CNTN3: variants seen among roughly 807,000 people sequenced by gnomAD.
CNTN3 encodes contactin-3.
A neutral mutation model predicts 119.1 loss-of-function variants in CNTN3; 60 were observed. The ratio of observed to expected loss-of-function variants is 0.50; its 90% CI spans 0.41 to 0.62. The LOEUF is 0.62. Among genes scored for constraint, CNTN3 ranks in the 20% least tolerant of loss-of-function variants. The pLI, the probability that CNTN3 is intolerant of heterozygous loss-of-function variation, is 0.00. For synonymous variants in CNTN3, 450 were observed against 438.7 expected (o/e 1.03, Z -0.32); for missense variants, 1,101 against 1,242.4 (o/e 0.89, Z 1.71).
intron 20 of CNTN3, among the ~76,000 whole-genome samples, chr3:74,273,812 C>T (rs574548305): frequency 3.9e-5 from 6 of 152,134 alleles, no homozygotes; most frequent in Non-Finnish European, 7.3e-5. Flanking sequence ...GCTTCCTGGC[C>T]AGAACCTGGG....
chr3:74,372,749 T>A (rs1704373413), intron 5 of CNTN3, among the ~76,000 whole-genome samples: 1 of 151,952 alleles, frequency 6.6e-6, no homozygotes, highest in Non-Finnish European at 1.5e-5. Flanking sequence ...AGGAGAAGGG[T>A]TAGATGAGAG....
chr3:74,284,676 C>T (rs1702074493), intron 20 of CNTN3, among the ~76,000 whole-genome samples: 2 of 152,180 alleles, frequency 1.3e-5, no homozygotes, highest in Non-Finnish European at 2.9e-5. Flanking sequence ...ATGTGTGGAA[C>T]ATTAGCAAAT....
chr3:74,265,403 A>G lies in CNTN3; in HGVS notation c.2987-902T>C, dbSNP rs963493408. Among the ~76,000 whole-genome samples the G allele has an allele frequency of 3.3e-5, 5 of 152,306 alleles. 1 individual carries two copies. The highest frequency in any genetic ancestry group is 2.1e-4 in the South Asian group (1 of 4,824). On this transcript the variant is annotated intron_variant, in intron 22 of 22. Coordinates refer to ENST00000263665, the MANE Select transcript of CNTN3 (RefSeq NM_020872.3). The stretch of plus-strand genomic sequence containing the variant: ...CATGCCTTGCACCATTCAGGGAACA[A>G]GAAGCACATATTCATTATTTCAAAA...
intron 14 of CNTN3, among the ~76,000 whole-genome samples, chr3:74,302,144 GC>G (rs1702472929): frequency 2.0e-5 from 3 of 152,076 alleles, no homozygotes; most frequent in Admixed American, 2.0e-4. Context: ...CTGGTGTGAT[GC>G]CTTTCCCTTT....
intron 2 of CNTN3, among the ~76,000 whole-genome samples, chr3:74,514,736 A>G (rs1178959934): frequency 6.6e-6 from 1 of 152,136 alleles, no homozygotes; most frequent in Non-Finnish European, 1.5e-5. Context: ...AATAGTATCC[A>G]GTGTTAGATT....
intron 5 of CNTN3, among the ~76,000 whole-genome samples, chr3:74,383,683 T>C (rs2130005): frequency 0.99 from 151,333 of 152,204 alleles, 75,238 homozygotes; most frequent in East Asian, 1. Context: ...CAGCGTCTCA[T>C]TGTATTGCCC....
intron 5 of CNTN3, among the ~76,000 whole-genome samples, chr3:74,405,201 G>T (rs1705293979): frequency 6.6e-6 from 1 of 151,904 alleles, no homozygotes; most frequent in Non-Finnish European, 1.5e-5. Context: ...GTAAAGAAAG[G>T]GATTTGACAT....
At chr3:74,501,679 C>A (rs1280811923) in intron 2 of CNTN3, among the ~76,000 whole-genome samples, 1 of 151,914 alleles carries the variant, frequency 6.6e-6, no homozygotes, top group Non-Finnish European at 1.5e-5. Flanking sequence ...CATCACCACA[C>A]AATTAGCCCT....
At chr3:74,596,529 G>A (rs1704813332) in intron 1 of CNTN3, among the ~76,000 whole-genome samples, 1 of 151,976 alleles carries the variant, frequency 6.6e-6, no homozygotes, top group Non-Finnish European at 1.5e-5. Flanking sequence ...CAGAAATAAT[G>A]CCACATATCT....
intron 5 of CNTN3, among the ~76,000 whole-genome samples, chr3:74,384,380 TAAAACGCTTTTCTTTCC>T (rs1445716768): frequency 6.6e-6 from 1 of 152,190 alleles, no homozygotes; most frequent in African/African-American, 2.4e-5. Context: ...GCCAACATGA[TAAAACGCTTTTCTTTCC>T]AAGAAGCAAA....
intron 3 of CNTN3, among the ~76,000 whole-genome samples, chr3:74,488,750 C>T (rs965189082): frequency 1.3e-5 from 2 of 152,154 alleles, no homozygotes; most frequent in African/African-American, 4.8e-5. Context: ...AATAAGAAGA[C>T]CCAAATGAAA....
chr3:74,506,498 T>C (rs1703262570), intron 2 of CNTN3, among the ~76,000 whole-genome samples: 1 of 152,188 alleles, frequency 6.6e-6, no homozygotes, highest in Non-Finnish European at 1.5e-5. Flanking sequence ...GTTTTCAAAG[T>C]ACTTCATAGC....
chr3:74,486,655 C>A, intron 3 of CNTN3, 24 bp from the exon 4 acceptor site: 1 of 1,493,940 alleles, frequency 6.7e-7, no homozygotes, highest in Non-Finnish European at 8.9e-7. Context: ...ATCAAGGTTC[C>A]CCCCCCTTAG....
chr3:74,564,097 G>A (rs762505809), intron 1 of CNTN3, among the ~76,000 whole-genome samples: 3 of 152,152 alleles, frequency 2.0e-5, no homozygotes, highest in Admixed American at 1.3e-4. Context: ...TGTTAGCCAA[G>A]TGACAAGGGA....
At chr3:74,524,669 A>G (rs1034857756) in intron 1 of CNTN3, among the ~76,000 whole-genome samples, 2 of 151,800 alleles carry the variant, frequency 1.3e-5, no homozygotes, top group Non-Finnish European at 2.9e-5. Flanking sequence ...CCACTCCCCC[A>G]TCAACTACTA....
chr3:74,502,070 G>C (rs1371699989), intron 2 of CNTN3, among the ~76,000 whole-genome samples: 1 of 152,018 alleles, frequency 6.6e-6, no homozygotes, highest in Non-Finnish European at 1.5e-5. Context: ...CATTTTTCTA[G>C]TGTAATAGCT....
chr3:74,577,049 C>A (rs895372024), intron 1 of CNTN3, among the ~76,000 whole-genome samples: 1 of 152,052 alleles, frequency 6.6e-6, no homozygotes. Context: ...AGAGTTTACC[C>A]TTCCCAGGCT....
intron 1 of CNTN3, among the ~76,000 whole-genome samples, chr3:74,525,718 C>T (rs180702550): frequency 6.6e-6 from 1 of 151,622 alleles, no homozygotes; most frequent in East Asian, 2.0e-4. Context: ...TTTAAATAGC[C>T]CCCAAATTTA....
chr3:74,429,028 A>G (rs1321965733), intron 4 of CNTN3, among the ~76,000 whole-genome samples: 1 of 152,182 alleles, frequency 6.6e-6, no homozygotes, highest in Non-Finnish European at 1.5e-5. Context: ...TCTGGGTATA[A>G]TAAGTACATA....
Sources: allele counts gnomAD v4.1 joint callset (sites outside exome capture counted in the v4.1 genomes callset), GRCh38; gene constraint gnomAD v4.1.1; transcripts MANE v1.5; gene names NCBI Gene and HGNC (gene_info 2026-07-23, HGNC 2026-07-21).